CCT2: variants seen among roughly 807,000 people sequenced by gnomAD.
The protein encoded by CCT2 is chaperonin containing TCP1 subunit 2.
A neutral mutation model predicts 61.8 loss-of-function variants in CCT2; 18 were observed. That is an observed-to-expected ratio of 0.29 (90% CI 0.20 to 0.43). The LOEUF is 0.43. Among genes scored for constraint, CCT2 ranks in the 20% least tolerant of loss-of-function variants. The pLI is 1.00. For missense variants in CCT2, 556 were observed against 656.9 expected (o/e 0.85, Z 1.68); for synonymous variants, 248 against 215.9 (o/e 1.15, Z -1.30).
rs1881713260 is a variant in CCT2 at position 69,587,943 on chromosome 12, T to C, written c.270T>C (p.Val90=). 1 of 1,612,812 alleles carries C rather than the reference T, an allele frequency of 6.2e-7. No individual in the cohort carries two copies. The highest frequency in any genetic ancestry group is 1.1e-5 in the South Asian group (1 of 91,060). Residue 90 remains valine (V), a synonymous_variant, in exon 5 of 16, where the codon GTT becomes GTC. Coordinates refer to ENST00000299300, the MANE Select transcript of CCT2 (RefSeq NM_006431.3). ...AAKVLVDMSR[V]QDDEVGDGTT... ...TTCTTTTTCTAGATATGTCAAGGGT[T>C]CAAGATGATGAAGTTGGTGATGGCA... is the stretch of plus-strand genomic sequence containing the variant.
intron 7 of CCT2, among the ~76,000 whole-genome samples, chr12:69,590,782 T>G (rs1198147953): frequency 6.6e-6 from 1 of 151,190 alleles, no homozygotes; most frequent in African/African-American, 2.4e-5. Context: ...AGCAGTATGA[T>G]CTCGCCTCAC....
chr12:69,596,178 A>T (rs370078416), intron 10 of CCT2, among the ~76,000 whole-genome samples: 2 of 152,386 alleles, frequency 1.3e-5, no homozygotes, highest in South Asian at 2.1e-4. Flanking sequence ...GTTGTGTCTC[A>T]CATCTAGAAC....
In CCT2 at chr12:69,600,924, T is replaced by G. The variant is rs563626795; in HGVS notation, c.1578-371T>G. On this transcript the variant is annotated intron_variant, in intron 15 of 15. Coordinates refer to ENST00000299300, the MANE Select transcript of CCT2 (RefSeq NM_006431.3). Reference sequence around the variant, plus strand: ...ATAAAAGATGAGAATAGAAGGTGCTTCTTGTTGGTGGGGGTGTCTGCAGAG... The same window carrying G: ...ATAAAAGATGAGAATAGAAGGTGCTGCTTGTTGGTGGGGGTGTCTGCAGAG... 2.0e-5 allele frequency among the ~76,000 whole-genome samples: 3 copies of G among 152,268 alleles called. No individual in the cohort carries two copies. The South Asian group carries it at 6.2e-4, about 32-fold the overall frequency.
intron 3 of CCT2, chr12:69,587,154 T>G: frequency 3.1e-6 from 1 of 321,074 alleles, no homozygotes. Flanking sequence ...CTTGCTCTTT[T>G]AAATTCCTTT....
At position 69,598,061 on chromosome 12, in the gene CCT2, C is replaced by T; in HGVS notation, c.1325C>T (p.Ala442Val). The T allele has an allele frequency of 6.2e-7, 1 of 1,608,038 alleles. No homozygotes were observed. Among genetic ancestry groups the T allele is most frequent in the Non-Finnish European group, 8.5e-7 (1 of 1,174,864 alleles). The part of the protein sequence containing the change: ...EAVAMESYAK[A>V]LRMLPTIIAD... Reference sequence around the variant, plus strand: ...GTTGCAATGGAGTCTTATGCTAAAGCACTGAGAATGGTAAGTTAATCAAAA... The same window carrying T: ...GTTGCAATGGAGTCTTATGCTAAAGTACTGAGAATGGTAAGTTAATCAAAA... The change falls in exon 13 of 16, where the codon GCA becomes GTA. Residue 442 changes from alanine (A) to valine (V), a missense_variant. By Grantham distance (64) the Ala-to-Val change is moderately conservative. Transcript: ENST00000299300.
Position 69,599,951 on chromosome 12 carries a change from T to C in CCT2, c.1524T>C (p.Ala508=). ...AGCGACAGGTTCTTCTGAGTGCAGC[T>C]GAAGCAGCAGAGGTGATTCTGCGTG... ...QVKRQVLLSA[A]EAAEVILRVD... is the part of the protein sequence containing the mutation. The change falls in exon 15 of 16, where the codon GCT becomes GCC. Residue 508 remains alanine, a synonymous_variant. Transcript: ENST00000299300. 1 of 1,613,944 alleles carries C rather than the reference T, an allele frequency of 6.2e-7. No individual in the cohort carries two copies. Among genetic ancestry groups the C allele is most frequent in the Non-Finnish European group, 8.5e-7 (1 of 1,179,870 alleles).
chr12:69,587,384 G>T lies in CCT2; in HGVS notation c.145-121G>T, dbSNP rs909708847. 3 of 595,244 alleles carry T rather than the reference G, an allele frequency of 5.0e-6. No homozygotes were observed. The African/African-American group carries it at 5.7e-5, about 11-fold the overall frequency. 36.9% of individuals were successfully genotyped at this position (595,244 alleles called of 1,614,324 possible). ...ATGTATTGAAAACATTTGATGAATGGATACCACAAAATAGCTATCCAGAGT... is the reference window on the plus strand; with the variant it reads ...ATGTATTGAAAACATTTGATGAATGTATACCACAAAATAGCTATCCAGAGT... On this transcript the variant is annotated intron_variant, in intron 3 of 15. Coordinates refer to ENST00000299300, the MANE Select transcript of CCT2 (RefSeq NM_006431.3).
In CCT2 at chr12:69,589,522, A is replaced by G. The variant is rs774180237; in HGVS notation, c.484A>G (p.Ile162Val). The G allele has an allele frequency of 1.9e-5, 30 of 1,614,134 alleles. No homozygotes were observed. Among genetic ancestry groups the G allele is most frequent in the Middle Eastern group, 1.6e-4 (1 of 6,062 alleles). Residue 162 changes from isoleucine to valine, a missense_variant, in exon 7 of 16, where the codon ATT becomes GTT. Transcript: ENST00000299300. ...TAAATTCCGTCAAGATTTAATGAAT[A>G]TTGCGGGCACAACATTATCCTCAAA... Reference protein sequence around the residue: ...EVKFRQDLMNIAGTTLSSKLL... With the variant: ...EVKFRQDLMNVAGTTLSSKLL...
intron 10 of CCT2, among the ~76,000 whole-genome samples, chr12:69,594,561 A>G (rs752812695): frequency 2.0e-5 from 3 of 152,316 alleles, no homozygotes; most frequent in South Asian, 4.1e-4. Flanking sequence ...CTACATCACA[A>G]TGACATGAGT....
Position 69,601,435 on chromosome 12 carries a change from T to C in CCT2, c.*110T>C. ...CTGTTTATCGGTGCCCATTATATCC[T>C]TAAGTTTGGATATTTAGCTGACCTT... is the stretch of plus-strand genomic sequence containing the variant. On this transcript the variant is annotated 3_prime_UTR_variant, in exon 16 of 16. Coordinates refer to ENST00000299300, the MANE Select transcript of CCT2 (RefSeq NM_006431.3). 6.3e-7 allele frequency: 1 copy of C among 1,598,690 alleles called. No homozygotes were observed. The highest frequency in any genetic ancestry group is 8.5e-7 in the Non-Finnish European group (1 of 1,174,314).
Position 69,589,558 on chromosome 12 carries a change from C to T in CCT2, c.520C>T (p.His174Tyr), listed in dbSNP as rs1266738379. 6.2e-7 allele frequency: 1 copy of T among 1,613,986 alleles called. No homozygotes were observed. Among genetic ancestry groups the T allele is most frequent in the Non-Finnish European group, 8.5e-7 (1 of 1,179,870 alleles). ...GTTLSSKLLT[H>Y]HKDHFTKLAV... The stretch of plus-strand genomic sequence containing the variant: ...AACATTATCCTCAAAACTTCTTACT[C>T]ATCACAAAGACCACTTTACAAAGTT... The change falls in exon 7 of 16, where the codon CAT becomes TAT. Residue 174 changes from histidine (H) to tyrosine (Y), a missense_variant. Around this residue, in one of 3 missense-constraint regions of CCT2, gnomAD observed 308 missense variants for 350.6 expected, o/e 0.88. Transcript: ENST00000299300.
chr12:69,585,849 T>C, intron 1 of CCT2: 1 of 1,308,724 alleles, frequency 7.6e-7, no homozygotes, highest in South Asian at 1.8e-5. Flanking sequence ...GGGCGGAGCC[T>C]GGAGCGACGG....
At chr12:69,589,794 G>T in intron 7 of CCT2, 107 bp downstream of exon 7, 1 of 857,712 alleles carries the variant, frequency 1.2e-6, no homozygotes, top group African/African-American at 1.7e-5. Flanking sequence ...CAGTGAACTT[G>T]AATTTAAGGA....
chr12:69,595,113 C>G (rs1881949177), intron 10 of CCT2, among the ~76,000 whole-genome samples: 2 of 152,128 alleles, frequency 1.3e-5, no homozygotes, highest in African/African-American at 4.8e-5. Context: ...GGCTGTCACA[C>G]TGTTTGGAAC....
intron 7 of CCT2, 152 bp from the exon 8 acceptor site, chr12:69,591,907 C>T: frequency 2.1e-6 from 1 of 480,566 alleles, no homozygotes; most frequent in Non-Finnish European, 3.8e-6. Flanking sequence ...GCAGGTTGGA[C>T]AAGCTTGCTT....
At chr12:69,586,921 T>A (rs907384258) in intron 3 of CCT2, 103 bp downstream of exon 3, 5 of 710,104 alleles carry the variant, frequency 7.0e-6, no homozygotes, top group Non-Finnish European at 1.1e-5. Context: ...TTAAAACGTT[T>A]AATTATAAAA....
In CCT2 at chr12:69,586,771, A is replaced by C; in HGVS notation, c.97A>C (p.Ile33Leu). 6.2e-7 allele frequency: 1 copy of C among 1,601,402 alleles called. No individual in the cohort carries two copies. Among genetic ancestry groups the C allele is most frequent in the Non-Finnish European group, 8.5e-7 (1 of 1,175,496 alleles). ...ACTCCAGACTTCTTTTATTGGTGCC[A>C]TCGCCATTGGAGACTTGGTAAAGAG... ...TARLTSFIGAIAIGDLVKSTL... is the reference protein window; with the variant it reads ...TARLTSFIGALAIGDLVKSTL... The change falls in exon 3 of 16, where the codon ATC (isoleucine) becomes CTC (leucine). Residue 33 changes from isoleucine to leucine, a missense_variant. Coordinates refer to ENST00000299300, the MANE Select transcript of CCT2 (RefSeq NM_006431.3).
chr12:69,594,950 T>C (rs1245856327), intron 10 of CCT2, among the ~76,000 whole-genome samples: 2 of 152,186 alleles, frequency 1.3e-5, no homozygotes, highest in Admixed American at 1.3e-4. Context: ...AAGTATAGTT[T>C]TGTTAATGGT....
At chr12:69,585,633 G>T (rs1439151792) in intron 1 of CCT2, 109 bp downstream of exon 1, 1 of 1,545,140 alleles carries the variant, frequency 6.5e-7, no homozygotes. Flanking sequence ...CTGTCTCCCC[G>T]GCCCTCCGCA....
Sources: allele counts gnomAD v4.1 joint callset (sites outside exome capture counted in the v4.1 genomes callset), GRCh38; gene constraint gnomAD v4.1.1; regional missense constraint gnomAD v4.1.1; transcripts MANE v1.5; gene names NCBI Gene and HGNC (gene_info 2026-07-23, HGNC 2026-07-21).